Variants in BAZ2A observed in about 807,000 individuals in gnomAD.
BAZ2A encodes the protein bromodomain adjacent to zinc finger domain 2A.
BAZ2A carries 34 observed loss-of-function variants against 199.9 expected under a neutral mutation model. That is an observed-to-expected ratio of 0.17 (90% CI 0.13 to 0.23). The LOEUF is 0.23. BAZ2A is among the 10% of genes least tolerant of loss of function. The probability of loss-of-function intolerance (pLI) is 1.00; values close to 1 mark genes in which losing one functional copy is unlikely to be tolerated. For missense variants in BAZ2A, 2,002 were observed against 2,391.1 expected (o/e 0.84, Z 3.39); for synonymous variants, 857 against 883.9 (o/e 0.97, Z 0.54).
At chr12:56,627,934 C>T (rs1276519591) in intron 1 of BAZ2A, among the ~76,000 whole-genome samples, 1 of 151,124 alleles carries the variant, frequency 6.6e-6, no homozygotes, top group African/African-American at 2.4e-5. Flanking sequence ...GTAATCCCTG[C>T]ACTTTGGGAG....
At position 56,597,278 on chromosome 12, in the gene BAZ2A, T is replaced by C. The variant is rs1064244; in HGVS notation, c.*1340A>G. ...TGAAGTAAATGAAGAAAAGCACAAC[T>C]AAATGGGATTAGGAAATGATCCAGT... On this transcript the variant is annotated 3_prime_UTR_variant, in exon 29 of 29. Coordinates refer to ENST00000549884, the MANE Select transcript of BAZ2A (RefSeq NM_001300905.2). 0.036 allele frequency: 5,466 copies of C among 152,392 alleles called. 109 individuals are homozygous for C. Among genetic ancestry groups the C allele is most frequent in the Middle Eastern group, 0.064 (19 of 298 alleles). 9.4% of individuals were successfully genotyped at this position (152,392 alleles called of 1,614,324 possible).
chr12:56,601,408 A>C lies in BAZ2A; in HGVS notation c.4072-6T>G. 1 of 1,611,364 alleles carries C rather than the reference A, an allele frequency of 6.2e-7. No homozygotes were observed. Among genetic ancestry groups the C allele is most frequent in the Non-Finnish European group, 8.5e-7 (1 of 1,178,538 alleles). ...GCAGCACTAGGTCTATTCATCTGTGAATAAAATGAGACATAAGGAAATGAG... is the reference window on the plus strand; with the variant it reads ...GCAGCACTAGGTCTATTCATCTGTGCATAAAATGAGACATAAGGAAATGAG... On this transcript the variant is annotated splice_polypyrimidine_tract_variant and splice_region_variant and intron_variant, in intron 20 of 28. Transcript: ENST00000549884.
chr12:56,605,697 C>T (rs1196817733), intron 13 of BAZ2A, 133 bp downstream of exon 13: 17 of 1,024,840 alleles, frequency 1.7e-5, no homozygotes, highest in Non-Finnish European at 2.4e-5. Context: ...GCTGGGATTA[C>T]AGTGTGAGCC....
At chr12:56,634,574 G>T (rs1228028325), upstream of BAZ2A, among the ~76,000 whole-genome samples, 1 of 152,186 alleles carries the variant, frequency 6.6e-6, no homozygotes, top group African/African-American at 2.4e-5. Context: ...AGAGGAGTTG[G>T]GGTGGGTATC....
intron 10 of BAZ2A, among the ~76,000 whole-genome samples, chr12:56,607,977 G>A (rs1950419559): frequency 6.6e-6 from 1 of 151,966 alleles, no homozygotes; most frequent in Admixed American, 6.6e-5. Flanking sequence ...CTACTCTGGA[G>A]GCTGAGGCAG....
At position 56,600,379 on chromosome 12, in the gene BAZ2A, C is replaced by G; in HGVS notation, c.4714G>C (p.Ala1572Pro). The change falls in exon 24 of 29, where the codon GCA (alanine) becomes CCA (proline). Residue 1572 changes from alanine to proline, a missense_variant. Ala to Pro is a conservative substitution (Grantham distance 27, BLOSUM62 -1). Coordinates refer to ENST00000549884, the MANE Select transcript of BAZ2A (RefSeq NM_001300905.2). ...GGGTTGGTAGTTTTACGCTGAGGTG[C>G]CAGTCCCTCCCTGCCCCGACCTCGC... ...TWRGRGREGL[A>P]PQRKTTNPLD... 2 of 1,613,988 alleles carry G rather than the reference C, an allele frequency of 1.2e-6. No homozygotes were observed. Among genetic ancestry groups the G allele is most frequent in the Non-Finnish European group, 1.7e-6 (2 of 1,179,888 alleles).
rs1565821651 is a variant in BAZ2A, at chr12:56,611,652, CCAAGTTAAGAGTT to C, written c.1610-32_1610-20del. The C allele has an allele frequency of 1.3e-6, 2 of 1,590,060 alleles. No individual in the cohort carries two copies. The highest frequency in any genetic ancestry group is 2.3e-5 in the South Asian group (2 of 86,758). ...ACATCACCTTGGGAGGAAGGGATACCCAAGTTAAGAGTTCAAGCAAAATATTTAAACAATAGGC... is the reference window on the plus strand; with the variant it reads ...ACATCACCTTGGGAGGAAGGGATACCCAAGCAAAATATTTAAACAATAGGC... On this transcript the variant is annotated intron_variant, in intron 6 of 28. Coordinates refer to ENST00000549884, the MANE Select transcript of BAZ2A (RefSeq NM_001300905.2).
At position 56,597,855 on chromosome 12, in the gene BAZ2A, G is replaced by A. The variant is rs1287664952; in HGVS notation, c.*763C>T. On this transcript the variant is annotated 3_prime_UTR_variant, in exon 29 of 29. Transcript: ENST00000549884. ...CAGCTACTGAGTTTCAGAAAAGGCT[G>A]GAAACTCAGCATGTGAGGAGCATCC... The A allele has an allele frequency of 2.0e-5, 3 of 152,552 alleles. No individual in the cohort carries two copies. The highest frequency in any genetic ancestry group is 2.0e-4 in the Admixed American group (3 of 15,274). The allele number at this position is 152,552 out of a possible 1,614,324, so 9.4% of individuals were successfully genotyped here.
At chr12:56,618,867 T>C (rs1334132800) in intron 1 of BAZ2A, among the ~76,000 whole-genome samples, 2 of 150,572 alleles carry the variant, frequency 1.3e-5, no homozygotes, top group Non-Finnish European at 3.0e-5. Flanking sequence ...TGAAACTCCA[T>C]CTCAAAAAAA....
upstream of BAZ2A, chr12:56,630,334 A>G (rs1014168238): frequency 1.0e-5 from 10 of 971,428 alleles, no homozygotes; most frequent in East Asian, 4.6e-4. Flanking sequence ...AGTGAGTCGG[A>G]GCCGGAGGGG....
intron 2 of BAZ2A, among the ~76,000 whole-genome samples, chr12:56,617,175 G>A (rs567240592): frequency 2.0e-5 from 3 of 152,172 alleles, no homozygotes; most frequent in East Asian, 1.9e-4. Context: ...CAGGGGAACA[G>A]GGCTGACAGA....
chr12:56,599,578 C>CA, intron 26 of BAZ2A, 124 bp downstream of exon 26: 2 of 1,421,878 alleles, frequency 1.4e-6, no homozygotes, highest in Non-Finnish European at 1.9e-6. Flanking sequence ...GTGACTTGTC[C>CA]AAAAAAGGAC....
upstream of BAZ2A, chr12:56,638,170 A>G (rs755610412): frequency 3.3e-5 from 21 of 632,478 alleles, no homozygotes; most frequent in Non-Finnish European, 5.7e-5. Flanking sequence ...AGAGAATCAG[A>G]CAAATTCTGA....
chr12:56,602,259 A>T, intron 19 of BAZ2A, 67 bp from the exon 20 acceptor site: 7 of 1,323,582 alleles, frequency 5.3e-6, no homozygotes, highest in Non-Finnish European at 6.2e-6. Context: ...GGGTATATAA[A>T]CTTAGGACCT....
At position 56,605,084 on chromosome 12, in the gene BAZ2A, A is replaced by C; in HGVS notation, c.2737T>G (p.Ser913Ala). 1 of 1,605,418 alleles carries C rather than the reference A, an allele frequency of 6.2e-7. No individual in the cohort carries two copies. Among genetic ancestry groups the C allele is most frequent in the Non-Finnish European group, 8.5e-7 (1 of 1,173,762 alleles). ...GGACTTGCACTCACCTGACAGTAGG[A>C]GGGAAAGCCAGGATCATGGAGTGCA... ...KAALHDPGFPSYCQSLKILGE... is the reference protein window; with the variant it reads ...KAALHDPGFPAYCQSLKILGE... Residue 913 changes from serine (S) to alanine (A), a missense_variant, in exon 14 of 29, where the codon TCC (serine) becomes GCC (alanine). Coordinates refer to ENST00000549884, the MANE Select transcript of BAZ2A (RefSeq NM_001300905.2).
chr12:56,601,513 A>G, intron 20 of BAZ2A, 33 bp downstream of exon 20: 2 of 1,603,452 alleles, frequency 1.2e-6, no homozygotes, highest in Non-Finnish European at 8.5e-7. Flanking sequence ...GCAAGATGAA[A>G]TCAAGTGCAT....
intron 10 of BAZ2A, 96 bp downstream of exon 10, chr12:56,609,640 G>T: frequency 7.8e-7 from 1 of 1,288,040 alleles, no homozygotes; most frequent in Non-Finnish European, 1.1e-6. Flanking sequence ...GATAATGTTA[G>T]TTACACTCCT....
chr12:56,622,642 G>A (rs1459579190), intron 1 of BAZ2A, among the ~76,000 whole-genome samples: 1 of 152,146 alleles, frequency 6.6e-6, no homozygotes, highest in East Asian at 1.9e-4. Context: ...AAGCAAAGGA[G>A]AGCATCTCCC....
Position 56,605,113 on chromosome 12 carries a change from T to G in BAZ2A, c.2708A>C (p.Lys903Thr). 6.2e-7 allele frequency: 1 copy of G among 1,613,284 alleles called. No homozygotes were observed. The highest frequency in any genetic ancestry group is 8.5e-7 in the Non-Finnish European group (1 of 1,179,436). The stretch of plus-strand genomic sequence containing the variant: ...AAAGCCAGGATCATGGAGTGCAGCC[T>G]TCAGCAGCCTGACCAGCAGGTCTTG... ...EVQDLLVRLL[K>T]AALHDPGFPS... Residue 903 changes from lysine (K) to threonine (T), a missense_variant, in exon 14 of 29, where the codon AAG becomes ACG. Around this residue, in one of 6 missense-constraint regions of BAZ2A, gnomAD observed 1,081 missense variants for 1,274.7 expected, o/e 0.85. Coordinates refer to ENST00000549884, the MANE Select transcript of BAZ2A (RefSeq NM_001300905.2).
Sources: allele counts gnomAD v4.1 joint callset (sites outside exome capture counted in the v4.1 genomes callset), GRCh38; gene constraint gnomAD v4.1.1; regional missense constraint gnomAD v4.1.1; transcripts MANE v1.5; gene names NCBI Gene and HGNC (gene_info 2026-07-23, HGNC 2026-07-21).